Variants in RSPH9 observed in about 807,000 individuals in gnomAD.
RSPH9 encodes the protein radial spoke head component 9, also known as radial spoke head protein 9 homolog.
A neutral mutation model predicts 27.0 loss-of-function variants in RSPH9; 27 were observed. That is an observed-to-expected ratio of 1.00 (90% confidence interval 0.74 to 1.38). The LOEUF is 1.38. RSPH9 is among the 40% of genes most tolerant of loss of function. The pLI, the probability that RSPH9 is intolerant of heterozygous loss-of-function variation, is 0.00. For synonymous variants in RSPH9, 145 were observed against 147.7 expected, an observed-to-expected ratio of 0.98 and a Z score of 0.13; for missense variants, 347 against 357.4, an observed-to-expected ratio of 0.97 and a Z score of 0.24.
chr6:43,666,904 C>T (rs773313458), intron 4 of RSPH9, among the ~76,000 whole-genome samples: 2 of 152,160 alleles, frequency 1.3e-5, no homozygotes, highest in Non-Finnish European at 2.9e-5. Flanking sequence ...CATGTCACCA[C>T]GCCTAATTTT....
chr6:43,666,684 A>C (rs1299377288), intron 4 of RSPH9, among the ~76,000 whole-genome samples: 4 of 152,158 alleles, frequency 2.6e-5, no homozygotes, highest in African/African-American at 4.8e-5. Context: ...TGGCAGGACC[A>C]TCCTCCTGCC....
chr6:43,671,380 A>G lies in RSPH9; in HGVS notation c.*431A>G. On this transcript the variant is annotated 3_prime_UTR_variant, in exon 5 of 5. Transcript: ENST00000372163. The stretch of plus-strand genomic sequence containing the variant: ...CCCCATCACAAGAGATCAGTGACTC[A>G]ATGCTCAGCACCCAGCTGGCAATGT... The G allele has an allele frequency of 2.5e-6, 1 of 397,072 alleles. No homozygotes were observed. Among genetic ancestry groups the G allele is most frequent in the South Asian group, 2.7e-5 (1 of 36,586 alleles). The allele number at this position is 397,072 out of a possible 1,614,324, so 24.6% of individuals were successfully genotyped here.
At position 43,671,106 on chromosome 6, in the gene RSPH9, A is replaced by T; in HGVS notation, c.*157A>T. The T allele has an allele frequency of 1.2e-6, 1 of 857,352 alleles. No homozygotes were observed. Among genetic ancestry groups the T allele is most frequent in the Non-Finnish European group, 1.9e-6 (1 of 539,336 alleles). 53.1% of individuals were successfully genotyped at this position (857,352 alleles called of 1,614,324 possible). ...CACTGAGCCAGGGAGCTCATTTCTA[A>T]ACCAAGTGGCAGAGGGGTTGGAATG... On this transcript the variant is annotated 3_prime_UTR_variant, in exon 5 of 5. Transcript: ENST00000372163.
At chr6:43,668,603 C>T (rs1040521425) in intron 4 of RSPH9, among the ~76,000 whole-genome samples, 1 of 152,210 alleles carries the variant, frequency 6.6e-6, no homozygotes, top group East Asian at 1.9e-4. Context: ...CAAGAGGTGG[C>T]CAAAGCCTAG....
chr6:43,652,519 G>A (rs142517854), intron 2 of RSPH9, among the ~76,000 whole-genome samples: 1,658 of 150,494 alleles, frequency 0.011, 25 homozygotes, highest in African/African-American at 0.038. Flanking sequence ...TCTGCCTCCC[G>A]GGTTCAAGTG....
chr6:43,670,966 G>A lies in RSPH9; in HGVS notation c.*17G>A. 6.2e-7 allele frequency: 1 copy of A among 1,614,088 alleles called. No homozygotes were observed. ...ATGCTATAGAATGGGAGCCAGCCTG[G>A]ATGTTTTTAAACAGAGTCTAAACAT... On this transcript the variant is annotated 3_prime_UTR_variant, in exon 5 of 5. Transcript: ENST00000372163.
rs746873706 is a variant in RSPH9, at chr6:43,670,913, T to C, written c.795T>C (p.Thr265=). The change falls in exon 5 of 5, where the codon ACT becomes ACC. Residue 265 remains threonine, a synonymous_variant. Coordinates refer to ENST00000372163, the MANE Select transcript of RSPH9 (RefSeq NM_152732.5). ...ACTATGGCTACGTCTACGTGGGCAC[T>C]GGCGAGAAGAACATGGACTTGCCCT... ...TKNYGYVYVG[T]GEKNMDLPFM... The C allele has an allele frequency of 1.2e-6, 2 of 1,614,226 alleles. No homozygotes were observed. Among genetic ancestry groups the C allele is most frequent in the Non-Finnish European group, 1.7e-6 (2 of 1,180,034 alleles).
chr6:43,666,444 G>A (rs1179837987), intron 4 of RSPH9: 1 of 1,550,488 alleles, frequency 6.4e-7, no homozygotes, highest in South Asian at 1.2e-5. Flanking sequence ...AGTTGTTCAG[G>A]GTGACTTCAC....
In RSPH9 at chr6:43,645,339, C is replaced by A; in HGVS notation, c.227+14C>A. 9.9e-7 allele frequency: 1 copy of A among 1,014,398 alleles called. No individual in the cohort carries two copies. The highest frequency in any genetic ancestry group is 1.2e-6 in the Non-Finnish European group (1 of 818,494). The allele number at this position is 1,014,398 out of a possible 1,614,324, so 62.8% of individuals were successfully genotyped here. ...GACGCTCTATAGGTGAGGAGGCCCC[C>A]GGGACGGGCTCCCCAGAGGGTGGCT... On this transcript the variant is annotated intron_variant, in intron 1 of 4. Coordinates refer to ENST00000372163, the MANE Select transcript of RSPH9 (RefSeq NM_152732.5).
Position 43,671,822 on chromosome 6 carries a change from C to T in RSPH9, c.*873C>T. ...AGACATTGTCCCTCAGAAGGGGTGA[C>T]CCCACGGGCATGCGCACCCTGTTCC... On this transcript the variant is annotated 3_prime_UTR_variant, in exon 5 of 5. Transcript: ENST00000372163. The T allele has an allele frequency of 6.2e-7, 1 of 1,614,204 alleles. No homozygotes were observed. Among genetic ancestry groups the T allele is most frequent in the Non-Finnish European group, 8.5e-7 (1 of 1,180,036 alleles).
chr6:43,650,626 G>C (rs1010432916), intron 2 of RSPH9, 86 bp downstream of exon 2: 3 of 1,470,748 alleles, frequency 2.0e-6, no homozygotes, highest in Admixed American at 1.7e-5. Context: ...ATGGCAACAG[G>C]CTGGGCACGG....
intron 4 of RSPH9, among the ~76,000 whole-genome samples, chr6:43,670,256 CTCT>C (rs1773573418): frequency 6.6e-6 from 1 of 152,306 alleles, no homozygotes; most frequent in Admixed American, 6.5e-5. Flanking sequence ...TGAGTTTCGC[CTCT>C]TTTCATTTCC....
chr6:43,668,487 C>T (rs926769395), intron 4 of RSPH9, among the ~76,000 whole-genome samples: 7 of 152,122 alleles, frequency 4.6e-5, no homozygotes, highest in Admixed American at 2.0e-4. Context: ...TTCCCTAGCT[C>T]CCCTGCCAGT....
At position 43,656,656 on chromosome 6, in the gene RSPH9, G is replaced by C. The variant is rs752702893; in HGVS notation, c.603G>C (p.Leu201Phe). ...CTGTTGAGCTAAAGAATAAGACCTT[G>C]CTTGAGAAGGCTGACCTGGACCCCT... is the stretch of plus-strand genomic sequence containing the variant. ...REPVELKNKT[L>F]LEKADLDPSL... The change falls in exon 4 of 5, where the codon TTG becomes TTC. Residue 201 changes from leucine (L) to phenylalanine (F), a missense_variant. Physicochemically the swap from Leu to Phe is conservative, Grantham distance 22 (BLOSUM62 0). Transcript: ENST00000372163. 13 of 1,614,182 alleles carry C rather than the reference G, an allele frequency of 8.1e-6. No homozygotes were observed. The highest frequency in any genetic ancestry group is 1.0e-5 in the Non-Finnish European group (12 of 1,180,004).
chr6:43,660,992 C>T (rs1196852154), intron 4 of RSPH9, among the ~76,000 whole-genome samples: 1 of 152,160 alleles, frequency 6.6e-6, no homozygotes, highest in Non-Finnish European at 1.5e-5. Context: ...TGTACATCTC[C>T]ATCAGGGCTC....
intron 4 of RSPH9, among the ~76,000 whole-genome samples, chr6:43,668,373 G>A (rs1320136766): frequency 1.3e-5 from 2 of 152,136 alleles, no homozygotes; most frequent in Non-Finnish European, 2.9e-5. Flanking sequence ...TGCGAGGGAG[G>A]GAGGCAGTGC....
rs1480453124 is a variant in RSPH9 at position 43,645,090 on chromosome 6, G to A, written c.-9G>A. 2 of 1,608,942 alleles carry A rather than the reference G, an allele frequency of 1.2e-6. No homozygotes were observed. The highest frequency in any genetic ancestry group is 2.2e-5 in the East Asian group (1 of 44,860). ...AACTCGACGGGCGTTGAGCGGAGCCGCTGACCTGATGGACGCCGACAGCCT... is the reference window on the plus strand; with the variant it reads ...AACTCGACGGGCGTTGAGCGGAGCCACTGACCTGATGGACGCCGACAGCCT... On this transcript the variant is annotated 5_prime_UTR_variant, in exon 1 of 5. Coordinates refer to ENST00000372163, the MANE Select transcript of RSPH9 (RefSeq NM_152732.5).
Position 43,671,711 on chromosome 6 carries a change from T to TC in RSPH9, c.*764dup. On this transcript the variant is annotated 3_prime_UTR_variant, in exon 5 of 5. Transcript: ENST00000372163. ...GTGGCCAAGGGCTTGTGAGTGGGCC[T>TC]CCTACTCCCCAGCACAGGTGCAGGA... 6.2e-7 allele frequency: 1 copy of TC among 1,609,904 alleles called. No homozygotes were observed. Among genetic ancestry groups the TC allele is most frequent in the Non-Finnish European group, 8.5e-7 (1 of 1,176,802 alleles).
In RSPH9 at chr6:43,670,980, G is replaced by T. The variant is rs1773669113; in HGVS notation, c.*31G>T. 1 of 1,613,624 alleles carries T rather than the reference G, an allele frequency of 6.2e-7. No homozygotes were observed. The highest frequency in any genetic ancestry group is 1.7e-5 in the Admixed American group (1 of 59,978). The stretch of plus-strand genomic sequence containing the variant: ...GAGCCAGCCTGGATGTTTTTAAACA[G>T]AGTCTAAACATGATTTTCTTAAGCT... On this transcript the variant is annotated 3_prime_UTR_variant, in exon 5 of 5. Transcript: ENST00000372163.
Sources: allele counts gnomAD v4.1 joint callset (sites outside exome capture counted in the v4.1 genomes callset), GRCh38; gene constraint gnomAD v4.1.1; transcripts MANE v1.5; gene names NCBI Gene and HGNC (gene_info 2026-07-23, HGNC 2026-07-21).